The following WWC1 variants were observed in gnomAD, a reference collection of about 807,000 sequenced individuals.
The protein encoded by WWC1 is WW and C2 domain containing 1.
Under a neutral mutation model 138.4 loss-of-function variants are expected in WWC1, and 55 were observed. The ratio of observed to expected loss-of-function variants is 0.40; its 90% CI spans 0.32 to 0.50. The LOEUF (loss-of-function observed/expected upper bound fraction) is 0.50, where lower values mean the gene tolerates loss of function less well. Ranked by LOEUF, WWC1 falls within the 20% of genes least tolerant of loss-of-function variation. WWC1 has a pLI of 0.72. For synonymous variants in WWC1, 524 were observed against 564.9 expected, an observed-to-expected ratio of 0.93 and a Z score of 1.03; for missense variants, 1,226 against 1,420.4, an observed-to-expected ratio of 0.86 and a Z score of 2.20.
intron 1 of WWC1, among the ~76,000 whole-genome samples, chr5:168,312,231 GAAC>G (rs1202830902): frequency 6.7e-6 from 1 of 150,014 alleles, no homozygotes; most frequent in East Asian, 1.9e-4. Context: ...AAAAAAAAAG[GAAC>G]AATAACCAAG....
At chr5:168,381,557 G>C (rs949205215) in intron 2 of WWC1, among the ~76,000 whole-genome samples, 1 of 152,178 alleles carries the variant, frequency 6.6e-6, no homozygotes, top group African/African-American at 2.4e-5. Flanking sequence ...CTCACTCCCA[G>C]AGATTGGGAT....
chr5:168,312,820 T>G lies in WWC1; in HGVS notation c.119+20549T>G, dbSNP rs561444959. ...GGTGACTGGTATCCTAAGTACTTTT[T>G]TTTTTTTTTTTTTTTTTTAGAGTCT... is the stretch of plus-strand genomic sequence containing the variant. On this transcript the variant is annotated intron_variant, in intron 1 of 22. Coordinates refer to ENST00000265293, the MANE Select transcript of WWC1 (RefSeq NM_015238.3). Among the ~76,000 whole-genome samples the G allele has an allele frequency of 1.8e-3, 264 of 149,878 alleles. 2 individuals are homozygous for G. Among genetic ancestry groups the G allele is most frequent in the African/African-American group, 6.2e-3 (252 of 40,678 alleles).
rs2152886602 is a variant in WWC1, at chr5:168,455,521, G to C, written c.2823+1G>C. On this transcript the variant is annotated splice_donor_variant, in intron 19 of 22. Transcript: ENST00000265293. LOFTEE classifies it high-confidence loss of function. ...ACCCCAGAGCCAGTACGTGTGCCGG[G>C]TAAGTGAGCGTGCGGCCCTCTTCTG... is the stretch of plus-strand genomic sequence containing the variant. The C allele has an allele frequency of 6.2e-7, 1 of 1,612,120 alleles. No homozygotes were observed. The highest frequency in any genetic ancestry group is 8.5e-7 in the Non-Finnish European group (1 of 1,179,132).
At chr5:168,452,733 G>A (rs1399013581) in intron 17 of WWC1, among the ~76,000 whole-genome samples, 1 of 151,856 alleles carries the variant, frequency 6.6e-6, no homozygotes, top group African/African-American at 2.4e-5. Context: ...TAATCCAAAT[G>A]TTCATCAACT....
chr5:168,298,631 T>C (rs1208754286), intron 1 of WWC1, among the ~76,000 whole-genome samples: 1 of 152,210 alleles, frequency 6.6e-6, no homozygotes, highest in Admixed American at 6.5e-5. Flanking sequence ...AGAGATTTGG[T>C]AACCCAGAGA....
At chr5:168,331,612 G>C (rs1310735591) in intron 1 of WWC1, among the ~76,000 whole-genome samples, 1 of 152,202 alleles carries the variant, frequency 6.6e-6, no homozygotes, top group Non-Finnish European at 1.5e-5. Context: ...TCTTATCAAT[G>C]CTGTTGGCCA....
intron 15 of WWC1, among the ~76,000 whole-genome samples, chr5:168,439,630 C>T (rs1282839357): frequency 8.3e-6 from 1 of 120,916 alleles, no homozygotes; most frequent in Non-Finnish European, 1.8e-5. Flanking sequence ...AACTCTGTCT[C>T]AAAAAAAAAA....
rs756225628 is a variant in WWC1, at chr5:168,467,879, G to C, written c.3190G>C (p.Asp1064His). 2 of 1,614,216 alleles carry C rather than the reference G, an allele frequency of 1.2e-6. No homozygotes were observed. Among genetic ancestry groups the C allele is most frequent in the Non-Finnish European group, 1.7e-6 (2 of 1,180,040 alleles). The change falls in exon 22 of 23, where the codon GAC (aspartate) becomes CAC (histidine). Residue 1064 changes from aspartate to histidine, a missense_variant. Asp to His is a moderately conservative substitution (Grantham distance 81, BLOSUM62 -1). This residue lies in a region of WWC1 where 206 missense variants were observed against 247.4 expected (regional missense o/e 0.83). Transcript: ENST00000265293. ...GGAGCACAAGGGTGAGCTTCAGACA[G>C]ACAAGATGATGAGGGCAGCTGCCAA... The part of the protein sequence containing the change: ...RAEHKGELQT[D>H]KMMRAAAKDV...
intron 1 of WWC1, among the ~76,000 whole-genome samples, chr5:168,370,677 T>A (rs995994727): frequency 6.6e-6 from 1 of 152,226 alleles, no homozygotes; most frequent in East Asian, 1.9e-4. Flanking sequence ...TTGTTTGTGA[T>A]AGTTTTCTAG....
At chr5:168,374,808 G>T (rs776499617) in intron 2 of WWC1, among the ~76,000 whole-genome samples, 1 of 152,218 alleles carries the variant, frequency 6.6e-6, no homozygotes, top group South Asian at 2.1e-4. Flanking sequence ...CAGTCCAGGC[G>T]CCCTAGACCT....
rs148721836 is a variant in WWC1 at position 168,413,248 on chromosome 5, G to A, written c.942-1100G>A. On this transcript the variant is annotated intron_variant, in intron 8 of 22. Coordinates refer to ENST00000265293, the MANE Select transcript of WWC1 (RefSeq NM_015238.3). The stretch of plus-strand genomic sequence containing the variant: ...ACTCCTATCTTAATCACCCTTTAGA[G>A]ATGGGGTGGCCAGGGCGTGAGAGCT... Among the ~76,000 whole-genome samples the A allele has an allele frequency of 7.7e-3, 1,180 of 152,326 alleles. 5 individuals carry two copies. Among genetic ancestry groups the A allele is most frequent in the Non-Finnish European group, 0.013 (871 of 68,022 alleles).
intron 2 of WWC1, among the ~76,000 whole-genome samples, chr5:168,373,740 A>T: frequency 6.7e-6 from 1 of 149,120 alleles, no homozygotes; most frequent in South Asian, 2.1e-4. Context: ...AAAAAAAAAA[A>T]AAAAAAAAAA....
chr5:168,451,845 A>G (rs1755847890), intron 17 of WWC1, among the ~76,000 whole-genome samples: 1 of 151,728 alleles, frequency 6.6e-6, no homozygotes, highest in African/African-American at 2.4e-5. Flanking sequence ...CTCTTAGAAC[A>G]TTGCTCAGGG....
Position 168,432,254 on chromosome 5 carries a change from G to A in WWC1, c.2280+810G>A, listed in dbSNP as rs548893216. Among the ~76,000 whole-genome samples, 11 of 152,222 alleles carry A rather than the reference G, an allele frequency of 7.2e-5. No individual in the cohort carries two copies. In the South Asian group the frequency reaches 1.7e-3, roughly 23 times the overall value. On this transcript the variant is annotated intron_variant, in intron 15 of 22. Transcript: ENST00000265293. ...CTTTATAAGGATTGAGATAGCACCC[G>A]TAAAACACCTATTCAAGTGTCTGAT...
chr5:168,305,151 A>G (rs1258371053), intron 1 of WWC1, among the ~76,000 whole-genome samples: 1 of 141,262 alleles, frequency 7.1e-6, no homozygotes, highest in Non-Finnish European at 1.5e-5. Flanking sequence ...TTTTTTTAGT[A>G]GAGATGGAGT....
At chr5:168,363,382 G>A (rs1258674693) in intron 1 of WWC1, among the ~76,000 whole-genome samples, 1 of 151,852 alleles carries the variant, frequency 6.6e-6, no homozygotes, top group Non-Finnish European at 1.5e-5. Context: ...AAATTAGCCC[G>A]GCATGGTGGC....
Position 168,382,628 on chromosome 5 carries a change from G to C in WWC1, c.230-2583G>C, listed in dbSNP as rs139122170. Among the ~76,000 whole-genome samples, 768 of 152,282 alleles carry C rather than the reference G, an allele frequency of 5.0e-3. 7 individuals are homozygous for C. Among genetic ancestry groups the C allele is most frequent in the African/African-American group, 0.018 (741 of 41,562 alleles). On this transcript the variant is annotated intron_variant, in intron 2 of 22. Coordinates refer to ENST00000265293, the MANE Select transcript of WWC1 (RefSeq NM_015238.3). ...AACGCCAAGGGAATCCACAGCTGCT[G>C]ATGGGAGATGGGAACCCACAGCAGC...
intron 15 of WWC1, among the ~76,000 whole-genome samples, chr5:168,435,837 C>T (rs1424440569): frequency 1.3e-5 from 2 of 151,958 alleles, no homozygotes; most frequent in African/African-American, 4.8e-5. Context: ...CTTTGGCCCT[C>T]ATCTTTCTTT....
intron 1 of WWC1, among the ~76,000 whole-genome samples, chr5:168,362,879 A>G (rs1433805520): frequency 1.3e-5 from 2 of 152,172 alleles, no homozygotes; most frequent in Non-Finnish European, 2.9e-5. Context: ...GTGGGGGCCT[A>G]GTCTGAAGGT....
Sources: allele counts gnomAD v4.1 joint callset (sites outside exome capture counted in the v4.1 genomes callset), GRCh38; gene constraint gnomAD v4.1.1; regional missense constraint gnomAD v4.1.1; transcripts MANE v1.5; gene names NCBI Gene and HGNC (gene_info 2026-07-23, HGNC 2026-07-21).